Variants in R3HCC1 observed in about 807,000 individuals in gnomAD.
R3HCC1 encodes the protein R3H domain and coiled-coil containing 1, also known as R3H and coiled-coil domain-containing protein 1.
R3HCC1 carries 32 observed loss-of-function variants against 40.0 expected under a neutral mutation model. That is an observed-to-expected ratio of 0.80 (90% CI 0.60 to 1.07). R3HCC1 has a LOEUF of 1.07. Among genes scored for constraint, R3HCC1 ranks in the 50% least tolerant of loss-of-function variants. R3HCC1 has a pLI of 0.00. For synonymous variants in R3HCC1, 237 were observed against 232.8 expected, an observed-to-expected ratio of 1.02 and a Z score of -0.17; for missense variants, 586 against 563.3, an observed-to-expected ratio of 1.04 and a Z score of -0.41.
Position 23,291,465 on chromosome 8 carries a change from G to A in R3HCC1, c.957G>A (p.Val319=), listed in dbSNP as rs2272760. ...CTGGAGAGAAGGACCTTGCCCACGT[G>A]GTAGAGATCTATGACTTTGAACCAG... The change falls in exon 5 of 8, where the codon GTG becomes GTA. Residue 319 remains valine (V), a synonymous_variant. Coordinates refer to ENST00000265806, the MANE Select transcript of R3HCC1 (RefSeq NM_001136108.3). The A allele has an allele frequency of 4.5e-6, 7 of 1,551,520 alleles. No homozygotes were observed. The highest frequency in any genetic ancestry group is 3.4e-4 in the Middle Eastern group (2 of 5,962).
Position 23,296,274 on chromosome 8 carries a change from A to C in R3HCC1, c.*177A>C, listed in dbSNP as rs1585337237. 2 of 731,784 alleles carry C rather than the reference A, an allele frequency of 2.7e-6. No homozygotes were observed. The highest frequency in any genetic ancestry group is 6.0e-5 in the East Asian group (2 of 33,160). 45.3% of individuals were successfully genotyped at this position (731,784 alleles called of 1,614,324 possible). A position where few individuals can be genotyped will look rare whatever the true frequency, so the allele number is the denominator to read the frequency against. ...AAAAATAAAAACTCACGTTGTTCTA[A>C]TGTGATCACTTTGAAATGTGGTCTG... On this transcript the variant is annotated 3_prime_UTR_variant, in exon 8 of 8. Transcript: ENST00000265806.
intron 2 of R3HCC1, 71 bp downstream of exon 2, chr8:23,288,704 C>T: frequency 9.2e-6 from 14 of 1,513,740 alleles, no homozygotes; most frequent in Non-Finnish European, 1.1e-5. Context: ...CCTGTGTGCC[C>T]TCCCCCAGGT....
rs763558536 is a variant in R3HCC1, at chr8:23,289,984, C to T, written c.367C>T (p.Arg123Trp). Residue 123 changes from arginine (R) to tryptophan (W), a missense_variant, in exon 4 of 8, where the codon CGG becomes TGG. Arg to Trp is a moderately radical substitution (Grantham distance 101). Transcript: ENST00000265806. The stretch of plus-strand genomic sequence containing the variant: ...AGCAGCTGCGGTTCCCCGAGGTGCC[C>T]GGGCTGGCCGGTGGTATCGTGGACG... 78 of 1,536,612 alleles carry T rather than the reference C, an allele frequency of 5.1e-5. 1 individual carries two copies. The Admixed American group carries it at 1.2e-3, about 24-fold the overall frequency.
Position 23,295,975 on chromosome 8 carries a change from C to A in R3HCC1, c.1201C>A (p.Arg401Ser). ...TGGGGCTTTCCTTCTAGAACTCCTG[C>A]GTCTGGTGAAGGAGAGGCCACAGAC... Residue 401 changes from arginine to serine, a missense_variant, in exon 8 of 8, where the codon CGT becomes AGT. Coordinates refer to ENST00000265806, the MANE Select transcript of R3HCC1 (RefSeq NM_001136108.3). 1 of 1,549,580 alleles carries A rather than the reference C, an allele frequency of 6.5e-7. No individual in the cohort carries two copies. Among genetic ancestry groups the A allele is most frequent in the Non-Finnish European group, 8.7e-7 (1 of 1,146,228 alleles).
Position 23,290,396 on chromosome 8 carries a change from A to G in R3HCC1, c.779A>G (p.Glu260Gly). The G allele has an allele frequency of 6.4e-7, 1 of 1,551,734 alleles. No individual in the cohort carries two copies. The highest frequency in any genetic ancestry group is 8.7e-7 in the Non-Finnish European group (1 of 1,147,002). The change falls in exon 4 of 8, where the codon GAG becomes GGG. Residue 260 changes from glutamate (E) to glycine (G), a missense_variant. Coordinates refer to ENST00000265806, the MANE Select transcript of R3HCC1 (RefSeq NM_001136108.3). The stretch of plus-strand genomic sequence containing the variant: ...AAGAGGCTGGTGGCAGAGGAGGAAG[A>G]GGACGAAGAGGAGGTGGAAGAGGAT...
At chr8:23,291,281 A>G in intron 4 of R3HCC1, 80 bp from the exon 5 acceptor site, 1 of 1,479,552 alleles carries the variant, frequency 6.8e-7, no homozygotes. Context: ...TTCTCCCTGC[A>G]GAGCTCTCAG....
At chr8:23,294,694 G>A (rs1436090946) in intron 6 of R3HCC1, 75 bp from the exon 7 acceptor site, 1 of 1,135,774 alleles carries the variant, frequency 8.8e-7, no homozygotes, top group African/African-American at 1.5e-5. Context: ...CACGGCTGCA[G>A]GGGTTCGGGG....
chr8:23,288,154 C>G lies in R3HCC1; in HGVS notation c.-22C>G. The G allele has an allele frequency of 1.6e-6, 2 of 1,248,532 alleles. No homozygotes were observed. Among genetic ancestry groups the G allele is most frequent in the South Asian group, 2.7e-5 (2 of 73,156 alleles). 77.3% of individuals were successfully genotyped at this position (1,248,532 alleles called of 1,614,324 possible). On this transcript the variant is annotated 5_prime_UTR_variant, in exon 1 of 8. Transcript: ENST00000265806. ...GGGCGGCTGCGACGCGCCGAGAGGCCGCGGTGAGTGCAGCAGCACTGGGGG... is the reference window on the plus strand; with the variant it reads ...GGGCGGCTGCGACGCGCCGAGAGGCGGCGGTGAGTGCAGCAGCACTGGGGG...
At chr8:23,293,403 G>A in intron 6 of R3HCC1, 30 bp downstream of exon 6, 1 of 1,524,210 alleles carries the variant, frequency 6.6e-7, no homozygotes, top group Non-Finnish European at 8.9e-7. Context: ...CCCAGCCCTT[G>A]CTCGGATCCC....
chr8:23,288,876 T>C lies in R3HCC1; in HGVS notation c.111-140T>C, dbSNP rs539434160. The stretch of plus-strand genomic sequence containing the variant: ...GGGTCCCTGCGATCACCTCTATCTA[T>C]GCTCAGATCCTTTGCAGTCCATCTG... On this transcript the variant is annotated intron_variant, in intron 2 of 7. Coordinates refer to ENST00000265806, the MANE Select transcript of R3HCC1 (RefSeq NM_001136108.3). 23 of 1,057,258 alleles carry C rather than the reference T, an allele frequency of 2.2e-5. No homozygotes were observed. The East Asian group carries it at 5.2e-4, about 24-fold the overall frequency. 65.5% of individuals were successfully genotyped at this position (1,057,258 alleles called of 1,614,324 possible).
intron 4 of R3HCC1, 102 bp downstream of exon 4, chr8:23,290,571 G>A (rs1802845963): frequency 7.5e-7 from 1 of 1,335,450 alleles, no homozygotes; most frequent in South Asian, 1.5e-5. Context: ...CAGGGGATGT[G>A]CAAGGGGAGG....
At chr8:23,293,877 A>C (rs1802928956) in intron 6 of R3HCC1, among the ~76,000 whole-genome samples, 1 of 152,136 alleles carries the variant, frequency 6.6e-6, no homozygotes, top group South Asian at 2.1e-4. Context: ...TCTCAGTGTC[A>C]CAGCTCGGGG....
chr8:23,294,815 C>T lies in R3HCC1; in HGVS notation c.1143C>T (p.Pro381=). Residue 381 remains proline (P), a synonymous_variant, in exon 7 of 8, where the codon CCC becomes CCT. Coordinates refer to ENST00000265806, the MANE Select transcript of R3HCC1 (RefSeq NM_001136108.3). ...AGTTCTCGGTGCTCAAGATCCGGCCCCTCACACAGGGAACCAAGCAGTCAA... is the reference window on the plus strand; with the variant it reads ...AGTTCTCGGTGCTCAAGATCCGGCCTCTCACACAGGGAACCAAGCAGTCAA... 2 of 1,551,402 alleles carry T rather than the reference C, an allele frequency of 1.3e-6. No homozygotes were observed. Among genetic ancestry groups the T allele is most frequent in the Non-Finnish European group, 1.7e-6 (2 of 1,146,938 alleles).
chr8:23,290,843 A>G lies in R3HCC1; in HGVS notation c.852+374A>G, dbSNP rs142834697. The G allele has an allele frequency of 2.1e-3, 547 of 258,176 alleles. 2 individuals carry two copies. The highest frequency in any genetic ancestry group is 8.6e-3 in the African/African-American group (391 of 45,446). 16.0% of individuals were successfully genotyped at this position (258,176 alleles called of 1,614,324 possible). ...AAATTACTCTTTAGCCTGAAGTTTTATCTTATAAATCTTGTTTTCTTGGGA... is the reference window on the plus strand; with the variant it reads ...AAATTACTCTTTAGCCTGAAGTTTTGTCTTATAAATCTTGTTTTCTTGGGA... On this transcript the variant is annotated intron_variant, in intron 4 of 7. Transcript: ENST00000265806.
chr8:23,291,537 A>T lies in R3HCC1; in HGVS notation c.1025+4A>T. 6.5e-7 allele frequency: 1 copy of T among 1,550,218 alleles called. No individual in the cohort carries two copies. The highest frequency in any genetic ancestry group is 8.7e-7 in the Non-Finnish European group (1 of 1,146,692). Reference sequence around the variant, plus strand: ...TGGCAACGTTTTCTGAGTTCCAGTGAGTGGTGGCTGGGGAGGTGCTGCCTT... The same window carrying T: ...TGGCAACGTTTTCTGAGTTCCAGTGTGTGGTGGCTGGGGAGGTGCTGCCTT... On this transcript the variant is annotated splice_donor_region_variant and intron_variant, in intron 5 of 7. Transcript: ENST00000265806.
rs1475840614 is a variant in R3HCC1 at position 23,289,033 on chromosome 8, C to T, written c.128C>T (p.Pro43Leu). The stretch of plus-strand genomic sequence containing the variant: ...CTCCCCAGGGTTCTTCTTTTCCCCC[C>T]ACTCTCCAGTCGCCTCCGGTACCTG... Residue 43 changes from proline (P) to leucine (L), a missense_variant, in exon 3 of 8, where the codon CCA becomes CTA. Physicochemically the swap from Pro to Leu is moderately conservative, Grantham distance 98. Coordinates refer to ENST00000265806, the MANE Select transcript of R3HCC1 (RefSeq NM_001136108.3). The T allele has an allele frequency of 2.6e-6, 4 of 1,536,624 alleles. No homozygotes were observed. The highest frequency in any genetic ancestry group is 3.5e-6 in the Non-Finnish European group (4 of 1,146,996).
At position 23,289,252 on chromosome 8, in the gene R3HCC1, C is replaced by A; in HGVS notation, c.248+99C>A. ...AGGGCAGGGCTGGGGGGAACCAGGG[C>A]TGGGACCCCCGGCTGCTGCCATTCC... is the stretch of plus-strand genomic sequence containing the variant. On this transcript the variant is annotated intron_variant, in intron 3 of 7. Transcript: ENST00000265806. The A allele has an allele frequency of 3.0e-6, 4 of 1,348,758 alleles. No individual in the cohort carries two copies. In the Admixed American group the frequency reaches 7.2e-5, roughly 24 times the overall value. The allele number at this position is 1,348,758 out of a possible 1,614,324, so 83.5% of individuals were successfully genotyped here.
In R3HCC1 at chr8:23,289,113, G is replaced by A. The variant is rs993130354; in HGVS notation, c.208G>A (p.Gly70Ser). The A allele has an allele frequency of 2.2e-5, 34 of 1,536,240 alleles. No individual in the cohort carries two copies. The highest frequency in any genetic ancestry group is 2.5e-5 in the Non-Finnish European group (29 of 1,146,964). The change falls in exon 3 of 8, where the codon GGC becomes AGC. Residue 70 changes from glycine (G) to serine (S), a missense_variant. Transcript: ENST00000265806. Reference sequence around the variant, plus strand: ...CTTGAGCAGCTTCTCCGTTGGGGAGGGCTGGAAGAGGAGGACGGTCATCTG... The same window carrying A: ...CTTGAGCAGCTTCTCCGTTGGGGAGAGCTGGAAGAGGAGGACGGTCATCTG...
intron 5 of R3HCC1, among the ~76,000 whole-genome samples, chr8:23,292,042 C>T (rs1031855216): frequency 2.6e-5 from 4 of 152,194 alleles, no homozygotes; most frequent in Non-Finnish European, 5.9e-5. Context: ...TAGATCCACC[C>T]TCCTGTCTTT....
Sources: allele counts gnomAD v4.1 joint callset (sites outside exome capture counted in the v4.1 genomes callset), GRCh38; gene constraint gnomAD v4.1.1; transcripts MANE v1.5; gene names NCBI Gene and HGNC (gene_info 2026-07-23, HGNC 2026-07-21).